Variants in CACNA2D3 observed in about 807,000 individuals in gnomAD.
The protein encoded by CACNA2D3 is voltage-dependent calcium channel subunit alpha-2/delta-3.
In CACNA2D3, 60 loss-of-function variants were observed where a neutral mutation model predicts 160.6. The observed-to-expected ratio is 0.37, with a 90% CI of 0.30 to 0.46. CACNA2D3 has a LOEUF of 0.46. Among genes scored for constraint, CACNA2D3 ranks in the 20% least tolerant of loss-of-function variants. The probability of loss-of-function intolerance (pLI) is 1.00; values close to 1 mark genes in which losing one functional copy is unlikely to be tolerated. For synonymous variants in CACNA2D3, 558 were observed against 492.9 expected, an observed-to-expected ratio of 1.13 and a Z score of -1.75; for missense variants, 1,205 against 1,365.0, an observed-to-expected ratio of 0.88 and a Z score of 1.85.
chr3:54,160,463 GTACTCC>G (rs1188025466), intron 2 of CACNA2D3, among the ~76,000 whole-genome samples: 1 of 152,150 alleles, frequency 6.6e-6, no homozygotes, highest in Non-Finnish European at 1.5e-5. Flanking sequence ...TTGCGCCACT[GTACTCC>G]AGCCTGGGCA....
At chr3:54,241,296 T>C (rs4927995) in intron 2 of CACNA2D3, among the ~76,000 whole-genome samples, 83,564 of 152,038 alleles carry the variant, frequency 0.55, 23,808 homozygotes, top group Middle Eastern at 0.67. Context: ...TTGGGCACTG[T>C]TGTAAGCACT....
At chr3:55,050,410 T>A (rs1467637155) in intron 35 of CACNA2D3, among the ~76,000 whole-genome samples, 1 of 151,630 alleles carries the variant, frequency 6.6e-6, no homozygotes, top group Non-Finnish European at 1.5e-5. Context: ...ATTCTTTTCT[T>A]TAAGAATGTT....
At chr3:54,709,882 G>A (rs1700923706) in intron 11 of CACNA2D3, among the ~76,000 whole-genome samples, 1 of 152,146 alleles carries the variant, frequency 6.6e-6, no homozygotes, top group Non-Finnish European at 1.5e-5. Context: ...GCCATGGATT[G>A]CCACTGCACT....
intron 27 of CACNA2D3, chr3:54,925,177 G>A: frequency 6.2e-7 from 1 of 1,613,902 alleles, no homozygotes; most frequent in East Asian, 2.2e-5. Context: ...CATACCACCT[G>A]GAGCAGGACA....
chr3:54,855,752 C>T (rs1699155854), intron 17 of CACNA2D3, among the ~76,000 whole-genome samples: 1 of 152,052 alleles, frequency 6.6e-6, no homozygotes, highest in East Asian at 1.9e-4. Flanking sequence ...TTCCAATAAG[C>T]TCCCCCTTCT....
At chr3:54,460,921 A>G (rs1181170731) in intron 4 of CACNA2D3, among the ~76,000 whole-genome samples, 2 of 152,104 alleles carry the variant, frequency 1.3e-5, no homozygotes, top group African/African-American at 2.4e-5. Flanking sequence ...TTTGTCATAG[A>G]TAGCTCTTAT....
chr3:54,867,531 A>AG (rs1383860522), intron 17 of CACNA2D3, among the ~76,000 whole-genome samples: 1 of 151,204 alleles, frequency 6.6e-6, no homozygotes, highest in East Asian at 1.9e-4. Context: ...CCAGCTTTAA[A>AG]AAAAAAAAAA....
intron 18 of CACNA2D3, among the ~76,000 whole-genome samples, chr3:54,871,833 C>G (rs2106821808): frequency 6.6e-6 from 1 of 152,290 alleles, no homozygotes; most frequent in South Asian, 2.1e-4. Context: ...GCCAGCCACC[C>G]CAGCTGCTTG....
At chr3:54,466,013 C>T (rs1403678257) in intron 4 of CACNA2D3, among the ~76,000 whole-genome samples, 2 of 152,140 alleles carry the variant, frequency 1.3e-5, no homozygotes, top group Admixed American at 6.6e-5. Flanking sequence ...CATGTGGTCC[C>T]CTCCACCTTC....
At chr3:54,694,961 A>G (rs2106938508) in intron 11 of CACNA2D3, among the ~76,000 whole-genome samples, 1 of 152,324 alleles carries the variant, frequency 6.6e-6, no homozygotes, top group African/African-American at 2.4e-5. Flanking sequence ...ATCATTCTAC[A>G]TAACTTTTTA....
At chr3:55,073,952 C>A in intron 37 of CACNA2D3, 93 bp downstream of exon 37, 2 of 1,184,594 alleles carry the variant, frequency 1.7e-6, no homozygotes, top group Non-Finnish European at 2.5e-6. Context: ...AAAGTTCACT[C>A]ATGAGAAAAT....
intron 10 of CACNA2D3, among the ~76,000 whole-genome samples, 196 bp from the exon 11 acceptor site, chr3:54,641,932 G>A (rs1022811235): frequency 6.6e-6 from 1 of 151,756 alleles, no homozygotes; most frequent in African/African-American, 2.4e-5. Context: ...TTTTATTTTT[G>A]GCTTAAAGAT....
intron 35 of CACNA2D3, among the ~76,000 whole-genome samples, chr3:55,045,742 G>A (rs530194831): frequency 5.5e-4 from 84 of 152,000 alleles, no homozygotes; most frequent in African/African-American, 1.9e-3. Context: ...TAGTAATGTC[G>A]TTTCTTTCTT....
At position 55,073,828 on chromosome 3, in the gene CACNA2D3, G is replaced by A. The variant is rs773030952; in HGVS notation, c.3152G>A (p.Arg1051His). ...ERLKAQKIRR[R>H]PESCHGFHPE... ...CTAAAGGCCCAGAAGATCAGAAGGC[G>A]CCCAGAATCTTGTCATGGCTTCCAT... The change falls in exon 37 of 38, where the codon CGC becomes CAC. Residue 1051 changes from arginine to histidine, a missense_variant. Around this residue, in one of 3 missense-constraint regions of CACNA2D3, gnomAD observed 911 missense variants for 1,002.2 expected, o/e 0.91. Transcript: ENST00000474759. 36 of 1,613,740 alleles carry A rather than the reference G, an allele frequency of 2.2e-5. No individual in the cohort carries two copies. In the African/African-American group the frequency reaches 2.5e-4, roughly 11 times the overall value.
chr3:54,184,554 T>C (rs1295881183), intron 2 of CACNA2D3, among the ~76,000 whole-genome samples: 4 of 152,204 alleles, frequency 2.6e-5, no homozygotes, highest in Non-Finnish European at 4.4e-5. Flanking sequence ...AGAGCATACA[T>C]AGGCCTTAGT....
chr3:55,030,766 A>G (rs894256689), intron 35 of CACNA2D3, among the ~76,000 whole-genome samples: 7 of 152,188 alleles, frequency 4.6e-5, no homozygotes, highest in African/African-American at 1.7e-4. Context: ...CTCAAGGATG[A>G]TTACAACTTT....
At chr3:54,947,263 A>G (rs1043590320) in intron 27 of CACNA2D3, among the ~76,000 whole-genome samples, 17 of 152,150 alleles carry the variant, frequency 1.1e-4, no homozygotes, top group African/African-American at 4.1e-4. Flanking sequence ...CCTTTACTCT[A>G]TGCTGCCTCT....
At chr3:54,179,032 C>A (rs1700729383) in intron 2 of CACNA2D3, among the ~76,000 whole-genome samples, 1 of 152,094 alleles carries the variant, frequency 6.6e-6, no homozygotes, top group Admixed American at 6.5e-5. Flanking sequence ...CTGCCTCTGC[C>A]CACACCGTCA....
chr3:54,281,709 T>C (rs1702885728), intron 2 of CACNA2D3, among the ~76,000 whole-genome samples: 1 of 152,242 alleles, frequency 6.6e-6, no homozygotes, highest in Admixed American at 6.5e-5. Flanking sequence ...TTTTATTGTA[T>C]AGAATTAAAG....
Sources: allele counts gnomAD v4.1 joint callset (sites outside exome capture counted in the v4.1 genomes callset), GRCh38; gene constraint gnomAD v4.1.1; regional missense constraint gnomAD v4.1.1; transcripts MANE v1.5; gene names NCBI Gene and HGNC (gene_info 2026-07-23, HGNC 2026-07-21).